The following RNGTT variants were observed in gnomAD, a reference collection of about 807,000 sequenced individuals.
RNGTT encodes mRNA-capping enzyme.
Under a neutral mutation model 79.3 loss-of-function variants are expected in RNGTT, and 33 were observed. The ratio of observed to expected loss-of-function variants is 0.42; its 90% CI spans 0.32 to 0.56. The LOEUF (loss-of-function observed/expected upper bound fraction) is 0.56. Ranked by LOEUF, RNGTT falls within the 20% of genes least tolerant of loss-of-function variation. RNGTT has a pLI of 0.17. For missense variants in RNGTT, 497 were observed against 739.1 expected (o/e 0.67, Z 3.80); for synonymous variants, 222 against 235.9 (o/e 0.94, Z 0.54).
intron 11 of RNGTT, among the ~76,000 whole-genome samples, chr6:88,837,343 G>C (rs1781114748): frequency 6.6e-6 from 1 of 152,108 alleles, no homozygotes; most frequent in Non-Finnish European, 1.5e-5. Context: ...GCTGTAGTGA[G>C]CTATAATTGT....
intron 14 of RNGTT, among the ~76,000 whole-genome samples, chr6:88,656,074 T>C (rs1246085649): frequency 6.6e-6 from 1 of 152,134 alleles, no homozygotes; most frequent in Non-Finnish European, 1.5e-5. Context: ...TATATTAAGA[T>C]AAAGGTATTA....
At chr6:88,822,003 G>A (rs1306244229) in intron 11 of RNGTT, among the ~76,000 whole-genome samples, 1 of 152,112 alleles carries the variant, frequency 6.6e-6, no homozygotes, top group African/African-American at 2.4e-5. Context: ...GGGAAAAGCT[G>A]ATAAACTTCA....
chr6:88,785,603 C>T (rs1185987342), intron 12 of RNGTT, among the ~76,000 whole-genome samples: 1 of 152,068 alleles, frequency 6.6e-6, no homozygotes, highest in African/African-American at 2.4e-5. Flanking sequence ...GATAGAATGA[C>T]ACTTTTGCAG....
At chr6:88,665,323 A>G (rs971442427) in intron 14 of RNGTT, among the ~76,000 whole-genome samples, 1 of 152,172 alleles carries the variant, frequency 6.6e-6, no homozygotes, top group Non-Finnish European at 1.5e-5. Flanking sequence ...AGGCAAAACC[A>G]GTATCCAGTC....
intron 11 of RNGTT, among the ~76,000 whole-genome samples, chr6:88,840,369 T>C (rs1474981815): frequency 1.3e-5 from 2 of 152,160 alleles, no homozygotes; most frequent in Admixed American, 6.6e-5. Context: ...GAGGAGACTA[T>C]TCAAAATTCT....
chr6:88,625,767 C>A (rs1179298312), intron 14 of RNGTT, among the ~76,000 whole-genome samples: 1 of 151,456 alleles, frequency 6.6e-6, no homozygotes, highest in Non-Finnish European at 1.5e-5. Context: ...ACAAAAAAAA[C>A]AAGAAACAGG....
At chr6:88,818,729 T>G (rs9353619) in intron 11 of RNGTT, among the ~76,000 whole-genome samples, 20,261 of 152,294 alleles carry the variant, frequency 0.13, 1,501 homozygotes, top group Middle Eastern at 0.24. Context: ...TTTGTAATTG[T>G]GCTGCAAAAG....
chr6:88,911,330 C>T lies in RNGTT; in HGVS notation c.368-4890G>A, dbSNP rs190531598. Among the ~76,000 whole-genome samples, 122 of 152,274 alleles carry T rather than the reference C, an allele frequency of 8.0e-4. 1 individual carries two copies. The South Asian group carries it at 0.013, about 16-fold the overall frequency. On this transcript the variant is annotated intron_variant, in intron 4 of 15. Coordinates refer to ENST00000369485, the MANE Select transcript of RNGTT (RefSeq NM_003800.5). ...GAAAAACAAAAAAGAGCAGGGGTTG[C>T]TATTCTTGTTTCAGATAAATAAACT...
chr6:88,731,886 T>C (rs1276762765), intron 13 of RNGTT, among the ~76,000 whole-genome samples: 2 of 152,168 alleles, frequency 1.3e-5, no homozygotes, highest in Non-Finnish European at 2.9e-5. Context: ...ATTTTGTATA[T>C]GTATTATATA....
chr6:88,916,189 G>T (rs1292277500), intron 4 of RNGTT, among the ~76,000 whole-genome samples: 3 of 152,190 alleles, frequency 2.0e-5, no homozygotes, highest in Non-Finnish European at 4.4e-5. Context: ...TCAAACCTCA[G>T]ATTCTTCCAG....
intron 13 of RNGTT, among the ~76,000 whole-genome samples, chr6:88,748,875 GA>G (rs952154867): frequency 1.8e-4 from 27 of 148,126 alleles, no homozygotes; most frequent in African/African-American, 4.2e-4. Context: ...TCCAGTTGGG[GA>G]AAAAAAAAAT....
intron 11 of RNGTT, among the ~76,000 whole-genome samples, chr6:88,827,185 G>C (rs1428808476): frequency 6.6e-6 from 1 of 152,088 alleles, no homozygotes; most frequent in African/African-American, 2.4e-5. Flanking sequence ...TCTAACTGAA[G>C]TACCTGGCTC....
intron 4 of RNGTT, among the ~76,000 whole-genome samples, chr6:88,928,686 G>A (rs1342325388): frequency 6.6e-6 from 1 of 152,066 alleles, no homozygotes; most frequent in Non-Finnish European, 1.5e-5. Flanking sequence ...GAATAATATA[G>A]TATAAAATGT....
At chr6:88,862,139 AG>A (rs1562290874) in intron 8 of RNGTT, among the ~76,000 whole-genome samples, 1 of 152,196 alleles carries the variant, frequency 6.6e-6, no homozygotes, top group Non-Finnish European at 1.5e-5. Flanking sequence ...TAAAATCCTC[AG>A]AAACACCAAA....
At chr6:88,746,725 G>T (rs1402874077) in intron 13 of RNGTT, among the ~76,000 whole-genome samples, 1 of 152,168 alleles carries the variant, frequency 6.6e-6, no homozygotes, top group East Asian at 1.9e-4. Flanking sequence ...GTTGCAGCTT[G>T]GTTCTAACAG....
Position 88,716,664 on chromosome 6 carries a change from G to T in RNGTT, c.1440-38245C>A, listed in dbSNP as rs543833983. 2.0e-5 allele frequency among the ~76,000 whole-genome samples: 3 copies of T among 152,286 alleles called. No homozygotes were observed. In the South Asian group the frequency reaches 6.2e-4, roughly 32 times the overall value. On this transcript the variant is annotated intron_variant, in intron 13 of 15. Coordinates refer to ENST00000369485, the MANE Select transcript of RNGTT (RefSeq NM_003800.5). ...AAAAAATGATGAGTTCATGTCCTTT[G>T]TAGGGACATGGATGAAGCTGGAAAC...
intron 14 of RNGTT, among the ~76,000 whole-genome samples, chr6:88,641,598 A>T (rs1190972829): frequency 1.3e-5 from 2 of 152,202 alleles, no homozygotes; most frequent in Non-Finnish European, 2.9e-5. Context: ...ATTTGGGTGG[A>T]GAGACTTGAA....
chr6:88,835,482 A>G (rs1422837533), intron 11 of RNGTT, among the ~76,000 whole-genome samples: 1 of 152,240 alleles, frequency 6.6e-6, no homozygotes, highest in Non-Finnish European at 1.5e-5. Context: ...ATTTTTGCCA[A>G]TTGGGCAGAA....
intron 13 of RNGTT, among the ~76,000 whole-genome samples, chr6:88,768,017 T>C (rs1778523015): frequency 6.6e-6 from 1 of 152,174 alleles, no homozygotes; most frequent in African/African-American, 2.4e-5. Flanking sequence ...AATTTATCTA[T>C]CCTTGGATTA....
Sources: gnomAD v4.1 joint callset for allele counts (sites outside exome capture counted in the v4.1 genomes callset) on GRCh38, gnomAD v4.1.1 for gene constraint, MANE v1.5 for transcripts, NCBI Gene and HGNC (gene_info 2026-07-23, HGNC 2026-07-21) for gene names.